The following CAPRIN2 variants were observed in gnomAD, a reference collection of about 807,000 sequenced individuals.
CAPRIN2 encodes the protein caprin-2.
CAPRIN2 carries 66 observed loss-of-function variants against 130.4 expected under a neutral mutation model. The observed-to-expected ratio is 0.51, with a 90% CI of 0.42 to 0.62. The LOEUF (loss-of-function observed/expected upper bound fraction) is 0.62. CAPRIN2 is among the 20% of genes least tolerant of loss of function. The pLI is 0.00. For synonymous variants in CAPRIN2, 471 were observed against 444.1 expected (o/e 1.06, Z -0.76); for missense variants, 1,185 against 1,246.6 (o/e 0.95, Z 0.74).
intron 14 of CAPRIN2, among the ~76,000 whole-genome samples, 184 bp from the exon 17 acceptor site, chr12:30,714,069 G>A (rs1322901047): frequency 6.6e-6 from 1 of 152,120 alleles, no homozygotes; most frequent in East Asian, 1.9e-4. Flanking sequence ...GAACATTGCT[G>A]TCTTCAAATA....
At chr12:30,749,284 A>G (rs957414055) in intron 2 of CAPRIN2, among the ~76,000 whole-genome samples, 2 of 152,166 alleles carry the variant, frequency 1.3e-5, no homozygotes, top group Non-Finnish European at 2.9e-5. Context: ...TGGGAAGGAT[A>G]TTCTGTAGGG....
intron 1 of CAPRIN2, chr12:30,751,337 G>A (rs1404907632): frequency 1.8e-6 from 1 of 558,596 alleles, no homozygotes; most frequent in Non-Finnish European, 3.2e-6. Context: ...CATGAGTCTG[G>A]AATTACAAAA....
exon 1 of CAPRIN2, chr12:30,754,132 T>G: frequency 5.2e-6 from 1 of 193,392 alleles, no homozygotes; most frequent in Non-Finnish European, 1.1e-5. Context: ...GAATGCTAAC[T>G]TCCCCGATTG....
In CAPRIN2 at chr12:30,729,474, C is replaced by T. The variant is rs112870753; in HGVS notation, c.1105-149G>A. 5.7e-3 allele frequency: 3,209 copies of T among 558,264 alleles called. 82 individuals carry two copies. The highest frequency in any genetic ancestry group is 0.057 in the African/African-American group (2,941 of 51,874). 34.6% of individuals were successfully genotyped at this position (558,264 alleles called of 1,614,324 possible). Reference sequence around the variant, plus strand: ...CCTTATTCTACTTGAAAAGACTTTCCTACTTCTCTTTCCTACTTTCCTACT... The same window carrying T: ...CCTTATTCTACTTGAAAAGACTTTCTTACTTCTCTTTCCTACTTTCCTACT... On this transcript the variant is annotated intron_variant, in intron 7 of 16. Coordinates refer to ENST00000298892, the Ensembl canonical transcript of CAPRIN2.
At chr12:30,725,478 A>C (rs945472994) in intron 9 of CAPRIN2, among the ~76,000 whole-genome samples, 5 of 152,244 alleles carry the variant, frequency 3.3e-5, no homozygotes, top group African/African-American at 1.2e-4. Flanking sequence ...TACCATTCTC[A>C]AATTCTGTGT....
At chr12:30,751,330 G>C in intron 1 of CAPRIN2, 197 bp from the exon 3 acceptor site, 1 of 570,362 alleles carries the variant, frequency 1.8e-6, no homozygotes, top group Non-Finnish European at 3.1e-6. Flanking sequence ...AGAATCACAT[G>C]AGTCTGGAAT....
At chr12:30,745,301 C>T (rs2069502559) in intron 2 of CAPRIN2, among the ~76,000 whole-genome samples, 1 of 152,092 alleles carries the variant, frequency 6.6e-6, no homozygotes, top group African/African-American at 2.4e-5. Context: ...ACCAAACATA[C>T]TAAAGTTATA....
intron 4 of CAPRIN2, 79 bp downstream of exon 5, chr12:30,734,889 C>G (rs2064048946): frequency 1.3e-6 from 1 of 785,364 alleles, no homozygotes; most frequent in Admixed American, 1.9e-5. Context: ...CACACACACT[C>G]TCTCTCTCAC....
At chr12:30,721,331 G>A (rs941691814) in intron 11 of CAPRIN2, among the ~76,000 whole-genome samples, 1 of 146,014 alleles carries the variant, frequency 6.8e-6, no homozygotes, top group African/African-American at 2.5e-5. Flanking sequence ...AACACTGTAG[G>A]CACAGCTCTG....
chr12:30,744,893 A>G (rs896612457), intron 2 of CAPRIN2, among the ~76,000 whole-genome samples: 1 of 152,220 alleles, frequency 6.6e-6, no homozygotes, highest in African/African-American at 2.4e-5. Context: ...AGCATCAGAT[A>G]TGGTCAAGAT....
At chr12:30,728,617 T>TA in intron 8 of CAPRIN2, 31 bp downstream of exon 9, 1 of 1,537,156 alleles carries the variant, frequency 6.5e-7, no homozygotes, top group Non-Finnish European at 8.8e-7. Flanking sequence ...TGCCTACACT[T>TA]ACAGAAGCAG....
At chr12:30,729,061 G>C in exon 8 of CAPRIN2, 1 of 1,614,080 alleles carries the variant, frequency 6.2e-7, no homozygotes, top group Non-Finnish European at 8.5e-7. Flanking sequence ...TGCTTCTTCT[G>C]CTCTTCCGGC....
At chr12:30,720,851 G>C (rs770157500) in exon 12 of CAPRIN2, 2 of 1,613,670 alleles carry the variant, frequency 1.2e-6, no homozygotes, top group Non-Finnish European at 8.5e-7. Context: ...TTCAGATCCA[G>C]AAGAAGCCTG....
chr12:30,733,374 A>G (rs1801729970), intron 5 of CAPRIN2, among the ~76,000 whole-genome samples: 1 of 152,198 alleles, frequency 6.6e-6, no homozygotes, highest in Admixed American at 6.6e-5. Context: ...TGTTGAAGCC[A>G]GTACTTAGCT....
chr12:30,731,620 T>C (rs544198468), intron 5 of CAPRIN2, 110 bp from the exon 7 acceptor site: 177 of 842,610 alleles, frequency 2.1e-4, no homozygotes, highest in Non-Finnish European at 2.8e-4. Context: ...ATAGTTTACA[T>C]TGATGTACAT....
At chr12:30,719,300 T>C in intron 12 of CAPRIN2, 75 bp from the exon 14 acceptor site, 2 of 1,547,534 alleles carry the variant, frequency 1.3e-6, no homozygotes, top group Non-Finnish European at 1.8e-6. Flanking sequence ...AAACCCAAAC[T>C]GGCATAAGTC....
intron 8 of CAPRIN2, among the ~76,000 whole-genome samples, chr12:30,728,063 A>G (rs1324579147): frequency 1.3e-5 from 2 of 152,234 alleles, no homozygotes. Context: ...TTATGGTCTT[A>G]TCTAAACTAT....
chr12:30,733,627 A>C lies in CAPRIN2; in HGVS notation c.892+2T>G. The C allele has an allele frequency of 1.9e-6, 3 of 1,605,382 alleles. No homozygotes were observed. The highest frequency in any genetic ancestry group is 2.6e-6 in the Non-Finnish European group (3 of 1,172,166). The stretch of plus-strand genomic sequence containing the variant: ...CATAAGTCCAGAGTAGAGAAAACTC[A>C]CATGTCGTTCCTACCACTGCTTTCT... On this transcript the variant is annotated splice_donor_variant, in intron 5 of 16. Transcript: ENST00000298892. LOFTEE classifies it high-confidence loss of function.
At chr12:30,728,472 T>C (rs370280338) in intron 8 of CAPRIN2, 176 bp downstream of exon 9, 73 of 564,178 alleles carry the variant, frequency 1.3e-4, no homozygotes, top group African/African-American at 1.3e-3. Flanking sequence ...AGAGAATCGC[T>C]TGAATCCAGG....
Sources: gnomAD v4.1 joint callset for allele counts (sites outside exome capture counted in the v4.1 genomes callset) on GRCh38, gnomAD v4.1.1 for gene constraint, MANE v1.5 for transcripts, NCBI Gene and HGNC (gene_info 2026-07-23, HGNC 2026-07-21) for gene names.